ENTREP3: variants seen among roughly 807,000 people sequenced by gnomAD.
ENTREP3 encodes the protein protein ENTREP3.
At chr1:155,248,098 G>A in the ENTREP3 span, 2 of 1,614,220 alleles carry the variant, frequency 1.2e-6, no homozygotes, top group Non-Finnish European at 1.7e-6. Flanking sequence ...GGGCTTTCCT[G>A]GATATCTGGA....
the ENTREP3 span, chr1:155,254,823 T>C: frequency 1.9e-6 from 3 of 1,606,124 alleles, no homozygotes; most frequent in Non-Finnish European, 1.7e-6. The surrounding 1 kb of genome is among the most constrained non-coding windows in gnomAD (Gnocchi z 4.4). Context: ...GTAAGGCCCC[T>C]GGTGCTGGGC....
chr1:155,248,355 G>C, the ENTREP3 span: 38 of 1,613,938 alleles, frequency 2.4e-5, 1 homozygote, highest in Admixed American at 5.8e-4. Context: ...AGAGGGGGCT[G>C]GGCAGCCATG....
chr1:155,254,303 C>A, the ENTREP3 span: 1 of 1,517,348 alleles, frequency 6.6e-7, no homozygotes, highest in Non-Finnish European at 9.2e-7. The surrounding 1 kb of genome is among the most constrained non-coding windows in gnomAD (Gnocchi z 4.4). Context: ...CGGCTGGCAC[C>A]AACTGGGGAG....
the ENTREP3 span, chr1:155,251,586 G>T: frequency 6.2e-7 from 1 of 1,613,978 alleles, no homozygotes; most frequent in South Asian, 1.1e-5. Flanking sequence ...TGTCCATGGA[G>T]CCATTGTACG....
the ENTREP3 span, chr1:155,248,347 AG>A: frequency 4.3e-6 from 7 of 1,613,874 alleles, no homozygotes; most frequent in Non-Finnish European, 5.9e-6. Context: ...TAGGGTGGAG[AG>A]GGGGCTGGGC....
At chr1:155,250,086 T>A in the ENTREP3 span, among the ~76,000 whole-genome samples, 1 of 152,250 alleles carries the variant, frequency 6.6e-6, no homozygotes, top group Admixed American at 6.5e-5. The surrounding 1 kb of genome is among the most constrained non-coding windows in gnomAD (Gnocchi z 5.4). Context: ...TCTCCTTTTT[T>A]AGCTGCTAAG....
the ENTREP3 span, chr1:155,254,486 T>C: frequency 6.2e-7 from 1 of 1,613,656 alleles, no homozygotes; most frequent in South Asian, 1.1e-5. This position sits in a 1 kb window ranked among gnomAD's most constrained non-coding sequence, Gnocchi z 4.4. Context: ...AGGCTCAGCC[T>C]GGCAGGGGAG....
At chr1:155,251,574 G>A in the ENTREP3 span, 1 of 1,614,024 alleles carries the variant, frequency 6.2e-7, no homozygotes, top group Non-Finnish European at 8.5e-7. Context: ...AGGGCACTGG[G>A]CTGTCCATGG....
At chr1:155,250,790 T>C in the ENTREP3 span, 2 of 1,609,760 alleles carry the variant, frequency 1.2e-6, no homozygotes, top group Non-Finnish European at 1.7e-6. The surrounding 1 kb of genome is among the most constrained non-coding windows in gnomAD (Gnocchi z 5.4). Context: ...CACCAATGGC[T>C]GACAGCACCA....
At chr1:155,255,069 G>A in the ENTREP3 span, 62 of 601,514 alleles carry the variant, frequency 1.0e-4, no homozygotes, top group South Asian at 3.2e-4. The surrounding 1 kb of genome is among the most constrained non-coding windows in gnomAD (Gnocchi z 5.6). Flanking sequence ...GTCACGGAGG[G>A]ACCGCGGAGT....
the ENTREP3 span, chr1:155,248,152 G>T: frequency 6.2e-7 from 1 of 1,614,110 alleles, no homozygotes; most frequent in East Asian, 2.2e-5. Context: ...TGCCCTTTAG[G>T]TCCCCCAGGG....
the ENTREP3 span, chr1:155,247,900 CAGCTGCGAA>C: frequency 6.3e-7 from 1 of 1,584,090 alleles, no homozygotes; most frequent in Admixed American, 1.8e-5. Flanking sequence ...CAGATCTCCG[CAGCTGCGAA>C]GGTGGAGGCT....
the ENTREP3 span, chr1:155,255,234 G>A: frequency 5.3e-6 from 2 of 378,176 alleles, no homozygotes; most frequent in Admixed American, 3.9e-5. This position sits in a 1 kb window ranked among gnomAD's most constrained non-coding sequence, Gnocchi z 5.6. Context: ...AGCCCAGGGA[G>A]GGGTGGGGAG....
chr1:155,248,083 G>T, the ENTREP3 span: 1 of 1,614,246 alleles, frequency 6.2e-7, no homozygotes, highest in South Asian at 1.1e-5. Context: ...TCCCACTGGG[G>T]TCTGGGGCTT....
chr1:155,254,363 A>G, the ENTREP3 span: 86 of 1,609,980 alleles, frequency 5.3e-5, no homozygotes, highest in African/African-American at 8.5e-4. This position sits in a 1 kb window ranked among gnomAD's most constrained non-coding sequence, Gnocchi z 4.4. Flanking sequence ...CGTGCTGGGC[A>G]CCTGCCTCCC....
the ENTREP3 span, chr1:155,254,249 C>T: frequency 6.7e-7 from 1 of 1,495,548 alleles, no homozygotes; most frequent in South Asian, 1.1e-5. The surrounding 1 kb of genome is among the most constrained non-coding windows in gnomAD (Gnocchi z 4.4). Context: ...TACTCCTCTG[C>T]CACGGACAGA....
the ENTREP3 span, chr1:155,253,251 G>T: frequency 1.1e-5 from 2 of 187,658 alleles, no homozygotes; most frequent in East Asian, 1.4e-4. Flanking sequence ...CGCCATGTTG[G>T]CCAGGTGGGT....
the ENTREP3 span, chr1:155,254,933 C>T: frequency 7.1e-7 from 1 of 1,400,658 alleles, no homozygotes; most frequent in Non-Finnish European, 9.8e-7. The surrounding 1 kb of genome is among the most constrained non-coding windows in gnomAD (Gnocchi z 4.4). Context: ...TTGGGAGCAT[C>T]TCAGAGGCGC....
At chr1:155,253,692 G>A in the ENTREP3 span, 2 of 1,612,386 alleles carry the variant, frequency 1.2e-6, no homozygotes, top group Non-Finnish European at 1.7e-6. Context: ...ACAGATTATA[G>A]CGGCACAAAT....
Sources: gnomAD v4.1 joint callset for allele counts (sites outside exome capture counted in the v4.1 genomes callset) on GRCh38, gnomAD v4.1.1 for gene constraint, Gnocchi (gnomAD v3.1) non-coding constraint, MANE v1.5 for transcripts, NCBI Gene and HGNC (gene_info 2026-07-23, HGNC 2026-07-21) for gene names.